Variants in KAZN observed in about 807,000 individuals in gnomAD.
KAZN encodes kazrin.
In KAZN, 40 loss-of-function variants were observed where a neutral mutation model predicts 87.4. The observed-to-expected ratio is 0.46, with a 90% CI of 0.36 to 0.60. The LOEUF (loss-of-function observed/expected upper bound fraction) is 0.60, where lower values mean the gene tolerates loss of function less well. Among genes scored for constraint, KAZN ranks in the 20% least tolerant of loss-of-function variants. The pLI is 0.00. For missense variants in KAZN, 898 were observed against 1,073.9 expected (o/e 0.84, Z 2.29); for synonymous variants, 466 against 458.3 (o/e 1.02, Z -0.22).
intron 1 of KAZN, among the ~76,000 whole-genome samples, chr1:13,965,660 T>C (rs975771944): frequency 1.3e-5 from 2 of 152,160 alleles, no homozygotes; most frequent in Non-Finnish European, 2.9e-5. Flanking sequence ...CTCAGCATCA[T>C]GCCCAATGCA....
At position 15,060,333 on chromosome 1, in the gene KAZN, CTGGG is replaced by C. The variant is rs779758317; in HGVS notation, c.1047+32_1047+35del. ...GCCAGCAGCAGCGGGGCCTGGGCCC[CTGGG>C]CCCTGCCCAGAAACTGCAGGGGCGG... On this transcript the variant is annotated intron_variant, in intron 6 of 14. Transcript: ENST00000376030. 8 of 1,613,248 alleles carry C rather than the reference CTGGG, an allele frequency of 5.0e-6. No individual in the cohort carries two copies. In the East Asian group the frequency reaches 1.8e-4, roughly 36 times the overall value.
At chr1:14,993,117 G>C (rs1036969922) in intron 2 of KAZN, among the ~76,000 whole-genome samples, 1 of 149,302 alleles carries the variant, frequency 6.7e-6, no homozygotes, top group Admixed American at 6.7e-5. Context: ...GTGAGCCATC[G>C]CGCCCAGTCT....
chr1:14,196,717 G>T (rs1189962143), intron 2 of KAZN, among the ~76,000 whole-genome samples: 2 of 152,116 alleles, frequency 1.3e-5, no homozygotes, highest in African/African-American at 4.8e-5. Flanking sequence ...TTCAGGGAAA[G>T]AATCAGATTG....
At chr1:14,827,790 C>T (rs1423642179) in intron 1 of KAZN, among the ~76,000 whole-genome samples, 1 of 152,170 alleles carries the variant, frequency 6.6e-6, no homozygotes, top group African/African-American at 2.4e-5. Flanking sequence ...AATGAGTGGG[C>T]ATGTCTATGG....
chr1:14,435,583 C>T (rs190475263), intron 2 of KAZN, among the ~76,000 whole-genome samples: 90 of 152,318 alleles, frequency 5.9e-4, no homozygotes, highest in African/African-American at 1.5e-3. Flanking sequence ...CCTTCACCCC[C>T]ACCACTACCT....
rs892122090 is a variant in KAZN, at chr1:15,116,303, A to G, written c.*1668A>G. 1 of 152,154 alleles carries G rather than the reference A, an allele frequency of 6.6e-6. No homozygotes were observed. Among genetic ancestry groups the G allele is most frequent in the Non-Finnish European group, 1.5e-5 (1 of 68,030 alleles). The allele number at this position is 152,154 out of a possible 1,614,324, so 9.4% of individuals were successfully genotyped here. ...TCAACCTGGCAAATTGTTTCCTCTC[A>G]TGGGGGAAGCCGAGCTCTGATGAAC... On this transcript the variant is annotated 3_prime_UTR_variant, in exon 15 of 15. Transcript: ENST00000376030.
intron 8 of KAZN, among the ~76,000 whole-genome samples, chr1:15,086,048 G>A (rs967233787): frequency 6.6e-6 from 1 of 152,082 alleles, no homozygotes; most frequent in African/African-American, 2.4e-5. Flanking sequence ...TCGGCTCACT[G>A]CAACCTCTGC....
chr1:14,260,527 G>A (rs1335617389), intron 2 of KAZN, among the ~76,000 whole-genome samples: 1 of 152,160 alleles, frequency 6.6e-6, no homozygotes, highest in Non-Finnish European at 1.5e-5. Context: ...ATAGGGGGAT[G>A]TAGAGTTAGG....
chr1:14,713,871 G>A (rs10927512), intron 1 of KAZN, among the ~76,000 whole-genome samples: 54,096 of 150,830 alleles, frequency 0.36, 10,477 homozygotes, highest in East Asian at 0.51. Context: ...GGGGAGGATC[G>A]CTTGAGCCCA....
chr1:14,336,400 G>T (rs1292801397), intron 2 of KAZN, among the ~76,000 whole-genome samples: 2 of 152,090 alleles, frequency 1.3e-5, no homozygotes, highest in South Asian at 2.1e-4. Context: ...TCCAGTTTGG[G>T]GCTATAACGA....
chr1:14,139,667 A>T (rs891785961), intron 1 of KAZN, among the ~76,000 whole-genome samples: 1 of 152,118 alleles, frequency 6.6e-6, no homozygotes, highest in African/African-American at 2.4e-5. Context: ...GCCAGGGCTG[A>T]TTGATATTAG....
rs117691843 is a variant in KAZN, at chr1:15,078,813, A to G, written c.1222+13060A>G. Among the ~76,000 whole-genome samples the G allele has an allele frequency of 2.0e-4, 30 of 152,316 alleles. 1 individual carries two copies. The East Asian group carries it at 5.2e-3, about 26-fold the overall frequency. On this transcript the variant is annotated intron_variant, in intron 8 of 14. Coordinates refer to ENST00000376030, the MANE Select transcript of KAZN (RefSeq NM_201628.3). Reference sequence around the variant, plus strand: ...GATTGGAAAAGCCAAAACTGGTGCCAGTGTTCCCCTTGCCATTCTCCTATA... The same window carrying G: ...GATTGGAAAAGCCAAAACTGGTGCCGGTGTTCCCCTTGCCATTCTCCTATA...
chr1:14,632,780 G>A (rs1679664980), intron 1 of KAZN, among the ~76,000 whole-genome samples: 1 of 151,988 alleles, frequency 6.6e-6, no homozygotes, highest in African/African-American at 2.4e-5. Context: ...CCTAACCTTG[G>A]CCACCTCTGT....
chr1:15,094,243 T>G lies in KAZN; in HGVS notation c.1286T>G (p.Met429Arg). 6.2e-7 allele frequency: 1 copy of G among 1,613,930 alleles called. No individual in the cohort carries two copies. Among genetic ancestry groups the G allele is most frequent in the African/African-American group, 1.3e-5 (1 of 75,054 alleles). ...AGCCTGTCGGAAGGCGAGGAGCAGA[T>G]GGACCGGCTGCAGCAGGTGGAGCTG... The part of the protein sequence containing the change: ...SLSLSEGEEQ[M>R]DRLQQVELVR... Residue 429 changes from methionine to arginine, a missense_variant, in exon 9 of 15, where the codon ATG becomes AGG. Transcript: ENST00000376030. This position sits in a 1 kb window ranked among gnomAD's most constrained non-coding sequence, Gnocchi z 4.5.
At chr1:15,097,731 T>C (rs752316837) in intron 10 of KAZN, among the ~76,000 whole-genome samples, 43 of 152,118 alleles carry the variant, frequency 2.8e-4, no homozygotes, top group Non-Finnish European at 5.4e-4. Flanking sequence ...GGCAGGAGAA[T>C]TTTTTGAACC....
At chr1:14,041,801 T>C (rs1641850579) in intron 1 of KAZN, among the ~76,000 whole-genome samples, 1 of 152,250 alleles carries the variant, frequency 6.6e-6, no homozygotes, top group Non-Finnish European at 1.5e-5. Flanking sequence ...TGTATGACTT[T>C]GCATGTCTGA....
At chr1:15,088,628 G>A (rs1640380506) in intron 8 of KAZN, among the ~76,000 whole-genome samples, 1 of 152,174 alleles carries the variant, frequency 6.6e-6, no homozygotes, top group South Asian at 2.1e-4. Context: ...AGCCAGGATT[G>A]ATGGAATCCG....
intron 1 of KAZN, among the ~76,000 whole-genome samples, chr1:14,174,718 T>C (rs1161109724): frequency 6.6e-6 from 1 of 152,228 alleles, no homozygotes; most frequent in Non-Finnish European, 1.5e-5. Context: ...AACAATTAGT[T>C]AATATCAGCA....
At chr1:14,927,351 C>T (rs1659283312) in intron 1 of KAZN, among the ~76,000 whole-genome samples, 2 of 152,186 alleles carry the variant, frequency 1.3e-5, no homozygotes, top group African/African-American at 4.8e-5. Flanking sequence ...AAGGAGATGA[C>T]TGCAGCCCTG....
Sources: allele counts gnomAD v4.1 joint callset (sites outside exome capture counted in the v4.1 genomes callset), GRCh38; gene constraint gnomAD v4.1.1; non-coding constraint Gnocchi (gnomAD v3.1); transcripts MANE v1.5; gene names NCBI Gene and HGNC (gene_info 2026-07-23, HGNC 2026-07-21).